SGIP1: variants seen among roughly 807,000 people sequenced by gnomAD.
The protein encoded by SGIP1 is SH3GL interacting endocytic adaptor 1.
Under a neutral mutation model 107.5 loss-of-function variants are expected in SGIP1, and 38 were observed. The observed-to-expected ratio is 0.35, with a 90% CI of 0.27 to 0.46. The LOEUF (loss-of-function observed/expected upper bound fraction) is 0.46, where lower values mean the gene tolerates loss of function less well. Among genes scored for constraint, SGIP1 ranks in the 20% least tolerant of loss-of-function variants. The probability of loss-of-function intolerance (pLI) is 1.00; values close to 1 mark genes in which losing one functional copy is unlikely to be tolerated. For missense variants in SGIP1, 929 were observed against 1,019.5 expected, an observed-to-expected ratio of 0.91 and a Z score of 1.21; for synonymous variants, 365 against 366.1, an observed-to-expected ratio of 1.00 and a Z score of 0.03.
chr1:66,568,586 A>G (rs114066249), intron 1 of SGIP1, among the ~76,000 whole-genome samples: 2,454 of 152,124 alleles, frequency 0.016, 39 homozygotes, highest in Non-Finnish European at 0.026. Flanking sequence ...TTTCAAAGGG[A>G]ATGCTTCCAG....
At chr1:66,713,633 AATCCCCTTTTATAC>A in intron 18 of SGIP1, among the ~76,000 whole-genome samples, 1 of 152,188 alleles carries the variant, frequency 6.6e-6, no homozygotes, top group East Asian at 1.9e-4. Flanking sequence ...TTAATATTAT[AATCCCCTTTTATAC>A]AATAAACTCC....
At chr1:66,592,847 A>G (rs2063867343) in intron 1 of SGIP1, among the ~76,000 whole-genome samples, 1 of 142,164 alleles carries the variant, frequency 7.0e-6, no homozygotes, top group Admixed American at 7.0e-5. Context: ...GTATGTATGT[A>G]GCCTTGCCTT....
chr1:66,658,688 T>C (rs1380913956), intron 7 of SGIP1, among the ~76,000 whole-genome samples: 1 of 152,186 alleles, frequency 6.6e-6, no homozygotes, highest in African/African-American at 2.4e-5. Context: ...AGTGGAGATA[T>C]CTAAATAATA....
At chr1:66,648,270 C>T (rs2078025909) in intron 7 of SGIP1, among the ~76,000 whole-genome samples, 1 of 152,170 alleles carries the variant, frequency 6.6e-6, no homozygotes, top group East Asian at 1.9e-4. Flanking sequence ...CTCCCAGCAA[C>T]TGGTGCAAGG....
chr1:66,716,323 C>T (rs968127861), intron 18 of SGIP1, among the ~76,000 whole-genome samples: 2 of 152,030 alleles, frequency 1.3e-5, no homozygotes, highest in African/African-American at 2.4e-5. Flanking sequence ...GACTATGATC[C>T]ACACAAATTT....
intron 4 of SGIP1, among the ~76,000 whole-genome samples, chr1:66,638,188 T>C (rs2076151255): frequency 1.3e-5 from 2 of 152,252 alleles, no homozygotes; most frequent in African/African-American, 2.4e-5. Context: ...ACAAACAGAC[T>C]GGTAAAGCAG....
Position 66,625,981 on chromosome 1 carries a change from T to C in SGIP1, c.74+71T>C, listed in dbSNP as rs138330941. On this transcript the variant is annotated intron_variant, in intron 2 of 24. Transcript: ENST00000371037. ...AGAGATGCTCTTATCACAGTCAATA[T>C]AAGATGGCCACAGTTTTCTCGGATA... 1.3e-3 allele frequency: 1,583 copies of C among 1,196,842 alleles called. 24 individuals carry two copies. The East Asian group carries it at 0.031, about 24-fold the overall frequency. The allele number at this position is 1,196,842 out of a possible 1,614,324, so 74.1% of individuals were successfully genotyped here.
intron 1 of SGIP1, among the ~76,000 whole-genome samples, chr1:66,609,761 T>C (rs1483594193): frequency 6.6e-6 from 1 of 152,254 alleles, no homozygotes; most frequent in Non-Finnish European, 1.5e-5. Flanking sequence ...ACTAGGATGC[T>C]AGCAAACTTT....
intron 13 of SGIP1, among the ~76,000 whole-genome samples, chr1:66,678,964 G>A (rs2086006405): frequency 6.6e-6 from 1 of 152,140 alleles, no homozygotes; most frequent in African/African-American, 2.4e-5. Context: ...AGAGGAAGAA[G>A]AAATGAACCA....
intron 17 of SGIP1, among the ~76,000 whole-genome samples, chr1:66,692,561 G>A (rs1271281411): frequency 2.6e-5 from 4 of 152,166 alleles, no homozygotes; most frequent in Admixed American, 2.6e-4. Flanking sequence ...CTCCAGAGAG[G>A]ATGGGCTGTT....
At chr1:66,587,734 C>A (rs2062858029) in intron 1 of SGIP1, among the ~76,000 whole-genome samples, 1 of 152,032 alleles carries the variant, frequency 6.6e-6, no homozygotes, top group East Asian at 1.9e-4. Context: ...GAACAAAGAT[C>A]CTATTTAATT....
intron 17 of SGIP1, among the ~76,000 whole-genome samples, chr1:66,692,236 C>T (rs2150121157): frequency 6.6e-6 from 1 of 151,612 alleles, no homozygotes; most frequent in African/African-American, 2.4e-5. Context: ...CTCCCTGCTG[C>T]AGAAATCTCA....
intron 2 of SGIP1, among the ~76,000 whole-genome samples, chr1:66,630,920 G>A (rs371375498): frequency 7.5e-5 from 4 of 53,606 alleles, no homozygotes; most frequent in Non-Finnish European, 1.4e-4. Context: ...GGGAGGGAGG[G>A]AGGAAGGAAG....
intron 9 of SGIP1, among the ~76,000 whole-genome samples, chr1:66,670,659 G>A (rs929161167): frequency 1.3e-5 from 2 of 152,026 alleles, no homozygotes; most frequent in South Asian, 4.1e-4. Context: ...GCTAAACTTC[G>A]ATTTACTTTC....
chr1:66,592,897 C>CTTTTTTTTTTTT lies in SGIP1; in HGVS notation c.11-32931_11-32920dup, dbSNP rs35762612. Among the ~76,000 whole-genome samples, 32 of 56,340 alleles carry CTTTTTTTTTTTT rather than the reference C, an allele frequency of 5.7e-4. 1 individual carries two copies. Among genetic ancestry groups the CTTTTTTTTTTTT allele is most frequent in the African/African-American group, 1.5e-3 (17 of 11,628 alleles). 37.0% of individuals were successfully genotyped at this position (56,340 alleles called of 152,430 possible). A position where few individuals can be genotyped will look rare whatever the true frequency, so the allele number is the denominator to read the frequency against. On this transcript the variant is annotated intron_variant, in intron 1 of 24. Coordinates refer to ENST00000371037, the MANE Select transcript of SGIP1 (RefSeq NM_032291.4). The stretch of plus-strand genomic sequence containing the variant: ...CTTTCCTTCTTTCTTTCTTCTTCTT[C>CTTTTTTTTTTTT]TTTTTTTTTTTTTTTTTTTTTTTTT...
intron 11 of SGIP1, 115 bp downstream of exon 11, chr1:66,672,110 ACATGTCAGTCCATATGT>A: frequency 1.1e-6 from 1 of 919,280 alleles, no homozygotes; most frequent in Non-Finnish European, 1.7e-6. Flanking sequence ...CTCTACCAAA[ACATGTCAGTCCATATGT>A]CCACAGCATG....
rs374477039 is a variant in SGIP1 at position 66,690,229 on chromosome 1, C to T, written c.1483C>T (p.Pro495Ser). 5 of 1,614,072 alleles carry T rather than the reference C, an allele frequency of 3.1e-6. No homozygotes were observed. In the African/African-American group the frequency reaches 6.7e-5, roughly 22 times the overall value. The change falls in exon 17 of 25, where the codon CCT becomes TCT. Residue 495 changes from proline (P) to serine (S), a missense_variant. Physicochemically the swap from Pro to Ser is moderately conservative, Grantham distance 74. Around this residue, in one of 2 missense-constraint regions of SGIP1, gnomAD observed 341 missense variants for 430.9 expected, o/e 0.79. Transcript: ENST00000371037. ...CCCTCCCATTCATTCTTCCAGCCCT[C>T]CTCCAATAGCACCCTTAGCGCGGGC... ...FSPPIHSSSPPPIAPLARAES... is the reference protein window; with the variant it reads ...FSPPIHSSSPSPIAPLARAES...
intron 7 of SGIP1, among the ~76,000 whole-genome samples, chr1:66,645,684 A>G (rs917129725): frequency 2.6e-5 from 4 of 152,146 alleles, no homozygotes; most frequent in Non-Finnish European, 4.4e-5. Context: ...GGTGTGGAAG[A>G]GTGAGCTGTT....
rs1193818728 is a variant in SGIP1, at chr1:66,746,911, T to C, written c.*3816T>C. 8 of 152,138 alleles carry C rather than the reference T, an allele frequency of 5.3e-5. No individual in the cohort carries two copies. Among genetic ancestry groups the C allele is most frequent in the Non-Finnish European group, 1.0e-4 (7 of 67,964 alleles). The allele number at this position is 152,138 out of a possible 1,614,324, so 9.4% of individuals were successfully genotyped here. On this transcript the variant is annotated 3_prime_UTR_variant, in exon 25 of 25. Coordinates refer to ENST00000371037, the MANE Select transcript of SGIP1 (RefSeq NM_032291.4). ...GAATCACTGCTTCTCAAAATATGAT[T>C]GGTATCATCACTTATTAATGTTTTG...
Sources: allele counts gnomAD v4.1 joint callset (sites outside exome capture counted in the v4.1 genomes callset), GRCh38; gene constraint gnomAD v4.1.1; regional missense constraint gnomAD v4.1.1; transcripts MANE v1.5; gene names NCBI Gene and HGNC (gene_info 2026-07-23, HGNC 2026-07-21).